The following APOBEC3F variants were observed in gnomAD, a reference collection of about 807,000 sequenced individuals.
APOBEC3F encodes the protein apolipoprotein B mRNA editing enzyme catalytic subunit 3F.
A neutral mutation model predicts 45.8 loss-of-function variants in APOBEC3F; 34 were observed. The ratio of observed to expected loss-of-function variants is 0.74; its 90% CI spans 0.57 to 0.99. APOBEC3F has a LOEUF of 0.99. Ranked by LOEUF, APOBEC3F falls within the 50% of genes least tolerant of loss-of-function variation. The pLI, the probability that APOBEC3F is intolerant of heterozygous loss-of-function variation, is 0.00. For synonymous variants in APOBEC3F, 192 were observed against 174.4 expected (o/e 1.10, Z -0.80); for missense variants, 459 against 474.1 (o/e 0.97, Z 0.30).
intron 4 of APOBEC3F, among the ~76,000 whole-genome samples, chr22:39,046,534 C>T (rs1927231046): frequency 6.6e-6 from 1 of 152,128 alleles, no homozygotes; most frequent in Non-Finnish European, 1.5e-5. Flanking sequence ...TCACGCCTGT[C>T]CCTTCTCAAA....
chr22:39,052,509 A>T, intron 6 of APOBEC3F, 68 bp from the exon 7 acceptor site: 1 of 1,570,134 alleles, frequency 6.4e-7, no homozygotes, highest in East Asian at 2.2e-5. Flanking sequence ...CTGGGCTTGG[A>T]GGGGAGGGCC....
intron 2 of APOBEC3F, chr22:39,044,366 CT>C: frequency 1.4e-6 from 2 of 1,392,678 alleles, no homozygotes; most frequent in Non-Finnish European, 1.9e-6. Context: ...TGTGATGATG[CT>C]TCAACAGCAG....
chr22:39,044,035 A>T, intron 2 of APOBEC3F: 8 of 1,494,386 alleles, frequency 5.4e-6, no homozygotes, highest in Non-Finnish European at 7.2e-6. Context: ...CAAAACAAAA[A>T]CAAAAAACAA....
intron 4 of APOBEC3F, among the ~76,000 whole-genome samples, chr22:39,046,996 G>C (rs772351242): frequency 2.0e-5 from 3 of 152,076 alleles, no homozygotes; most frequent in African/African-American, 7.2e-5. Flanking sequence ...GTCTTAGACC[G>C]GAGGAGCAAA....
Position 39,043,021 on chromosome 22 carries a change from G to C in APOBEC3F, c.102G>C (p.Trp34Cys), listed in dbSNP as rs781576489. ...TCCTTTCTCGTCGGAATACCGTCTGGCTGTGCTACGAAGTGAAAACAAAGG... is the reference window on the plus strand; with the variant it reads ...TCCTTTCTCGTCGGAATACCGTCTGCCTGTGCTACGAAGTGAAAACAAAGG... ...RPILSRRNTVWLCYEVKTKGP... is the reference protein window; with the variant it reads ...RPILSRRNTVCLCYEVKTKGP... The change falls in exon 2 of 7, where the codon TGG becomes TGC. Residue 34 changes from tryptophan (W) to cysteine (C), a missense_variant. By Grantham distance (215) the Trp-to-Cys change is radical. Coordinates refer to ENST00000308521, the MANE Select transcript of APOBEC3F (RefSeq NM_145298.6). 2.0e-5 allele frequency: 32 copies of C among 1,614,054 alleles called. No homozygotes were observed. Among genetic ancestry groups the C allele is most frequent in the Non-Finnish European group, 1.7e-6 (2 of 1,180,040 alleles).
chr22:39,052,021 C>T, intron 5 of APOBEC3F, 53 bp from the exon 6 acceptor site: 2 of 1,601,046 alleles, frequency 1.2e-6, no homozygotes, highest in South Asian at 1.1e-5. Context: ...CACCCCTGCA[C>T]TCCTCCTGCT....
intron 4 of APOBEC3F, among the ~76,000 whole-genome samples, chr22:39,046,471 C>T (rs1569070928): frequency 6.6e-6 from 1 of 152,112 alleles, no homozygotes; most frequent in Non-Finnish European, 1.5e-5. Context: ...TTGCTGCACC[C>T]TGGGCCCCAC....
chr22:39,044,369 C>CA, intron 2 of APOBEC3F: 1 of 1,391,186 alleles, frequency 7.2e-7, no homozygotes, highest in Non-Finnish European at 9.3e-7. Flanking sequence ...GATGATGCTT[C>CA]AACAGCAGGA....
At chr22:39,051,186 G>A (rs979870975) in intron 5 of APOBEC3F, among the ~76,000 whole-genome samples, 5 of 151,712 alleles carry the variant, frequency 3.3e-5, no homozygotes, top group African/African-American at 1.2e-4. Context: ...GCAGTGAGCC[G>A]AGATCTTGCC....
intron 5 of APOBEC3F, 118 bp downstream of exon 5, chr22:39,049,699 CTTTTTTT>C (rs35594508): frequency 1.5e-5 from 12 of 826,682 alleles, no homozygotes; most frequent in East Asian, 3.4e-5. Context: ...TCTTACATTT[CTTTTTTT>C]TTTTTTTTTT....
intron 5 of APOBEC3F, among the ~76,000 whole-genome samples, chr22:39,050,801 C>G (rs1199880832): frequency 1.3e-5 from 2 of 152,030 alleles, no homozygotes; most frequent in Non-Finnish European, 2.9e-5. Context: ...ACCTTCCCAG[C>G]AGAAGGCAGA....
intron 1 of APOBEC3F, among the ~76,000 whole-genome samples, chr22:39,042,114 T>C (rs1037721867): frequency 1.3e-5 from 2 of 152,074 alleles, no homozygotes; most frequent in African/African-American, 4.8e-5. Context: ...CTCTGTAAGA[T>C]GGGAATGGCC....
chr22:39,049,678 G>C (rs1215880898), intron 5 of APOBEC3F, 97 bp downstream of exon 5: 2 of 1,303,062 alleles, frequency 1.5e-6, no homozygotes, highest in East Asian at 4.8e-5. Flanking sequence ...GCTTTCCTGT[G>C]TGTACTTTCC....
chr22:39,045,634 G>A (rs1230140037), intron 4 of APOBEC3F, 92 bp downstream of exon 4: 19 of 1,586,432 alleles, frequency 1.2e-5, no homozygotes, highest in Middle Eastern at 1.7e-4. Context: ...CCTGCCCTCC[G>A]TCCTGCCCCC....
chr22:39,052,596 A>G lies in APOBEC3F; in HGVS notation c.1023A>G (p.Glu341=), dbSNP rs754896541. The part of the protein sequence containing the change: ...MGYKDFKYCW[E]NFVYNDDEPF... ...TCTCAGATTTTAAATATTGTTGGGAAAACTTTGTGTACAATGATGATGAGC... is the reference window on the plus strand; with the variant it reads ...TCTCAGATTTTAAATATTGTTGGGAGAACTTTGTGTACAATGATGATGAGC... The change falls in exon 7 of 7, where the codon GAA becomes GAG. Residue 341 remains glutamate (E), a synonymous_variant. Transcript: ENST00000308521. 3.4e-5 allele frequency: 55 copies of G among 1,613,134 alleles called. 1 individual carries two copies. In the South Asian group the frequency reaches 5.6e-4, roughly 16 times the overall value.
intron 5 of APOBEC3F, 137 bp from the exon 6 acceptor site, chr22:39,051,937 A>G: frequency 1.5e-6 from 2 of 1,330,826 alleles, no homozygotes; most frequent in East Asian, 4.6e-5. Flanking sequence ...CCTGGGCAAC[A>G]GGAGAGACCC....
At chr22:39,044,853 T>C in intron 2 of APOBEC3F, 88 bp from the exon 3 acceptor site, 2 of 1,247,948 alleles carry the variant, frequency 1.6e-6, no homozygotes, top group South Asian at 3.0e-5. Flanking sequence ...CCTGGGCTCC[T>C]GTCCTGGCCC....
chr22:39,044,186 T>A, intron 2 of APOBEC3F: 1 of 1,608,708 alleles, frequency 6.2e-7, no homozygotes, highest in Non-Finnish European at 8.5e-7. Context: ...CCTCCCCAGC[T>A]GACCGCAGGC....
chr22:39,044,422 G>A (rs1032480283), intron 2 of APOBEC3F: 65 of 1,364,414 alleles, frequency 4.8e-5, no homozygotes, highest in Non-Finnish European at 6.0e-5. Context: ...GTATGGGCTC[G>A]AGTTCTGGCC....
Sources: gnomAD v4.1 joint callset for allele counts (sites outside exome capture counted in the v4.1 genomes callset) on GRCh38, gnomAD v4.1.1 for gene constraint, MANE v1.5 for transcripts, NCBI Gene and HGNC (gene_info 2026-07-23, HGNC 2026-07-21) for gene names.